BAZ2B: variants seen among roughly 807,000 people sequenced by gnomAD.
BAZ2B encodes bromodomain adjacent to zinc finger domain 2B.
BAZ2B carries 91 observed loss-of-function variants against 246.0 expected under a neutral mutation model. The observed-to-expected ratio is 0.37, with a 90% CI of 0.31 to 0.44. The LOEUF is 0.44. BAZ2B is among the 20% of genes least tolerant of loss of function. BAZ2B has a pLI of 1.00. For missense variants in BAZ2B, 2,332 were observed against 2,533.7 expected (o/e 0.92, Z 1.71); for synonymous variants, 855 against 860.0 (o/e 0.99, Z 0.10).
chr2:159,580,023 C>T (rs1210925869), intron 1 of BAZ2B, among the ~76,000 whole-genome samples: 1 of 152,188 alleles, frequency 6.6e-6, no homozygotes, highest in Non-Finnish European at 1.5e-5. Flanking sequence ...CAGGGATGCC[C>T]TCTCTCACCA....
chr2:159,459,263 TG>T (rs2076142744), intron 3 of BAZ2B: 1 of 152,234 alleles, frequency 6.6e-6, no homozygotes, highest in Non-Finnish European at 1.5e-5. Flanking sequence ...CAAAGCAAAC[TG>T]TTATCAGTTG....
chr2:159,622,429 A>T, the BAZ2B span, among the ~76,000 whole-genome samples: 1 of 152,194 alleles, frequency 6.6e-6, no homozygotes, highest in African/African-American at 2.4e-5. Flanking sequence ...AAATTATGGG[A>T]GGATTCCCCA....
At chr2:159,399,901 G>A (rs868054927) in intron 17 of BAZ2B, among the ~76,000 whole-genome samples, 9 of 152,156 alleles carry the variant, frequency 5.9e-5, no homozygotes, top group Admixed American at 4.6e-4. Context: ...GTAATTTGGC[G>A]TTTTCTTGAT....
At chr2:159,604,368 G>A (rs932134020) in intron 1 of BAZ2B, among the ~76,000 whole-genome samples, 1 of 151,962 alleles carries the variant, frequency 6.6e-6, no homozygotes, top group Non-Finnish European at 1.5e-5. Flanking sequence ...TCAGCCTCTC[G>A]AGTAGCTGGG....
In BAZ2B at chr2:159,503,642, T is replaced by C. The variant is rs528668229; in HGVS notation, c.-2-24921A>G. On this transcript the variant is annotated intron_variant, in intron 2 of 36. Transcript: ENST00000392783. ...TTGCCCTGGCTGGAGTGCAATGGTG[T>C]GATCTCAGCTCACTGCAACCTCCCC... Among the ~76,000 whole-genome samples, 7 of 152,248 alleles carry C rather than the reference T, an allele frequency of 4.6e-5. No homozygotes were observed. In the South Asian group the frequency reaches 1.5e-3, roughly 32 times the overall value.
At chr2:159,578,033 TAA>T (rs1685771126) in intron 1 of BAZ2B, among the ~76,000 whole-genome samples, 1 of 152,146 alleles carries the variant, frequency 6.6e-6, no homozygotes, top group Admixed American at 6.6e-5. Flanking sequence ...AAGAAAAACC[TAA>T]AGACATAGAA....
At chr2:159,387,694 G>A (rs13010687) in intron 21 of BAZ2B, among the ~76,000 whole-genome samples, 114,264 of 152,036 alleles carry the variant, frequency 0.75, 45,150 homozygotes, top group Middle Eastern at 0.91. Flanking sequence ...AATTTATGTA[G>A]CAAAGCTGAG....
At chr2:159,573,545 A>G (rs1490719824) in intron 1 of BAZ2B, among the ~76,000 whole-genome samples, 1 of 152,230 alleles carries the variant, frequency 6.6e-6, no homozygotes, top group Non-Finnish European at 1.5e-5. Flanking sequence ...CGTAAGAGGT[A>G]AAAACGTAAA....
chr2:159,528,742 C>T (rs1010303352), intron 2 of BAZ2B, among the ~76,000 whole-genome samples: 5 of 151,558 alleles, frequency 3.3e-5, no homozygotes, highest in Admixed American at 6.6e-5. Context: ...GTAGAAAATC[C>T]TTTTATTAAC....
chr2:159,502,738 A>G (rs1356402708), intron 2 of BAZ2B, among the ~76,000 whole-genome samples: 1 of 152,104 alleles, frequency 6.6e-6, no homozygotes, highest in Non-Finnish European at 1.5e-5. Flanking sequence ...TTGATTCTAG[A>G]CTCTATATCC....
At chr2:159,536,651 GGAA>G (rs1313067644) in intron 2 of BAZ2B, among the ~76,000 whole-genome samples, 16 of 152,108 alleles carry the variant, frequency 1.1e-4, no homozygotes, top group Non-Finnish European at 2.2e-4. Context: ...AGCCAATGAA[GGAA>G]GAAGATCTTC....
intron 3 of BAZ2B, among the ~76,000 whole-genome samples, chr2:159,455,319 A>T (rs142570141): frequency 8.0e-4 from 122 of 152,296 alleles, no homozygotes; most frequent in Non-Finnish European, 1.4e-3. Context: ...AAAGTCTGAT[A>T]TAAAACCTAT....
intron 2 of BAZ2B, among the ~76,000 whole-genome samples, chr2:159,527,842 C>T (rs2084922620): frequency 6.6e-6 from 1 of 152,100 alleles, no homozygotes; most frequent in Non-Finnish European, 1.5e-5. Flanking sequence ...CATGAGTGCA[C>T]CTGACTTACC....
At chr2:159,415,113 ATCATAAGCC>A (rs2067453165) in intron 13 of BAZ2B, among the ~76,000 whole-genome samples, 1 of 152,054 alleles carries the variant, frequency 6.6e-6, no homozygotes, top group Non-Finnish European at 1.5e-5. Context: ...GAGATTTCTC[ATCATAAGCC>A]TCCTAGTGGA....
chr2:159,361,776 TA>T (rs1576089836), intron 27 of BAZ2B, among the ~76,000 whole-genome samples: 1 of 151,992 alleles, frequency 6.6e-6, no homozygotes, highest in Non-Finnish European at 1.5e-5. Flanking sequence ...TATGCAGCCA[TA>T]AAAAAGGATG....
At chr2:159,399,024 A>G in intron 17 of BAZ2B, 130 bp from the exon 18 acceptor site, 4 of 676,088 alleles carry the variant, frequency 5.9e-6, no homozygotes, top group Non-Finnish European at 7.0e-6. Flanking sequence ...GTAGACAATT[A>G]CAGATTTCCC....
chr2:159,337,349 G>C, intron 32 of BAZ2B: 1 of 1,256,186 alleles, frequency 8.0e-7, no homozygotes, highest in Non-Finnish European at 1.1e-6. Context: ...CAAATAGCAT[G>C]ATCCGTATGG....
the BAZ2B span, chr2:159,689,784 A>C: frequency 9.9e-6 from 5 of 507,020 alleles, no homozygotes; most frequent in East Asian, 1.6e-4. Flanking sequence ...ACTTCTTTCA[A>C]GTCATTTGTC....
chr2:159,462,551 G>A, intron 3 of BAZ2B: 5 of 887,118 alleles, frequency 5.6e-6, no homozygotes, highest in Non-Finnish European at 9.7e-6. Context: ...TTCATTTTCT[G>A]CATTCTCTAT....
Sources: allele counts gnomAD v4.1 joint callset (sites outside exome capture counted in the v4.1 genomes callset), GRCh38; gene constraint gnomAD v4.1.1; transcripts MANE v1.5; gene names NCBI Gene and HGNC (gene_info 2026-07-23, HGNC 2026-07-21).